Variants in VPS13D observed in about 807,000 individuals in gnomAD.
The protein encoded by VPS13D is vacuolar protein sorting 13 homolog D, also known as intermembrane lipid transfer protein VPS13D.
VPS13D carries 187 observed loss-of-function variants against 461.9 expected under a neutral mutation model. The observed-to-expected ratio is 0.40, with a 90% CI of 0.36 to 0.46. VPS13D has a LOEUF of 0.46. Ranked by LOEUF, VPS13D falls within the 20% of genes least tolerant of loss-of-function variation. The pLI, the probability that VPS13D is intolerant of heterozygous loss-of-function variation, is 0.60. For missense variants in VPS13D, 4,711 were observed against 5,364.9 expected, an observed-to-expected ratio of 0.88 and a Z score of 3.81; for synonymous variants, 1,951 against 1,986.3, an observed-to-expected ratio of 0.98 and a Z score of 0.47.
At chr1:12,239,431 G>A (rs111527320) in intron 2 of VPS13D, among the ~76,000 whole-genome samples, 10 of 152,318 alleles carry the variant, frequency 6.6e-5, no homozygotes, top group Admixed American at 3.9e-4. Context: ...GAGCCACTGC[G>A]CCCAGCCTTA....
At chr1:12,466,818 C>T (rs912198546) in intron 67 of VPS13D, among the ~76,000 whole-genome samples, 5 of 152,096 alleles carry the variant, frequency 3.3e-5, no homozygotes, top group Admixed American at 6.5e-5. Context: ...AGTTTCATCA[C>T]GAAAAAGGCA....
In VPS13D at chr1:12,356,535, T is replaced by G. The variant is rs1402859530; in HGVS notation, c.9998+11T>G. The G allele has an allele frequency of 6.2e-7, 1 of 1,609,400 alleles. No homozygotes were observed. Among genetic ancestry groups the G allele is most frequent in the Admixed American group, 1.7e-5 (1 of 59,040 alleles). ...AGAGCAGCCAAACCTGTGAGTACAGTTATTTATGGGAAGGGGAAATAAGCT... is the reference window on the plus strand; with the variant it reads ...AGAGCAGCCAAACCTGTGAGTACAGGTATTTATGGGAAGGGGAAATAAGCT... On this transcript the variant is annotated intron_variant, in intron 49 of 69. Transcript: ENST00000620676.
At chr1:12,305,189 A>G (rs572685179) in intron 26 of VPS13D, among the ~76,000 whole-genome samples, 4 of 152,338 alleles carry the variant, frequency 2.6e-5, no homozygotes, top group Non-Finnish European at 4.4e-5. Flanking sequence ...GACATGAACC[A>G]TCTGGTTATT....
rs1263726646 is a variant in VPS13D at position 12,276,877 on chromosome 1, G to T, written c.3289G>T (p.Asp1097Tyr). 6.2e-7 allele frequency: 1 copy of T among 1,614,146 alleles called. No individual in the cohort carries two copies. Among genetic ancestry groups the T allele is most frequent in the East Asian group, 2.2e-5 (1 of 44,888 alleles). ...TTCAGAGTGCCCATCGATGAATTTAGACAGTACTCTTCAGGTGATTTCCCT... is the reference window on the plus strand; with the variant it reads ...TTCAGAGTGCCCATCGATGAATTTATACAGTACTCTTCAGGTGATTTCCCT... ...VSSECPSMNL[D>Y]STLQVISLQV... The change falls in exon 19 of 70, where the codon GAC becomes TAC. Residue 1097 changes from aspartate (D) to tyrosine (Y), a missense_variant. Asp to Tyr is a radical substitution (Grantham distance 160). Transcript: ENST00000620676. The surrounding 1 kb of genome is among the most constrained non-coding windows in gnomAD (Gnocchi z 4.5).
Position 12,276,297 on chromosome 1 carries a change from C to A in VPS13D, c.2709C>A (p.Thr903=). Residue 903 remains threonine, a synonymous_variant, in exon 19 of 70, where the codon ACC becomes ACA. Coordinates refer to ENST00000620676, the MANE Select transcript of VPS13D (RefSeq NM_015378.4). This position sits in a 1 kb window ranked among gnomAD's most constrained non-coding sequence, Gnocchi z 4.5. ...AGAATTGCTTTGCTCTCCTCACCAC[C>A]CCAGAAATGAAAACTTCTGACACTC... The part of the protein sequence containing the change: ...ALKNCFALLT[T]PEMKTSDTQI... 6.2e-7 allele frequency: 1 copy of A among 1,614,134 alleles called. No homozygotes were observed.
At chr1:12,271,729 C>T (rs1641447255) in intron 17 of VPS13D, among the ~76,000 whole-genome samples, 1 of 151,876 alleles carries the variant, frequency 6.6e-6, no homozygotes, top group African/African-American at 2.4e-5. Flanking sequence ...ATACTTTGTG[C>T]ATGTTTCATG....
chr1:12,241,534 G>A (rs1640373510), intron 2 of VPS13D, among the ~76,000 whole-genome samples: 1 of 152,208 alleles, frequency 6.6e-6, no homozygotes, highest in Non-Finnish European at 1.5e-5. Context: ...CCATCACAGT[G>A]CCTCCCACAG....
At chr1:12,322,457 A>G in intron 33 of VPS13D, 79 bp from the exon 34 acceptor site, 2 of 1,385,896 alleles carry the variant, frequency 1.4e-6, no homozygotes, top group South Asian at 1.3e-5. Context: ...AAGTTGAAAT[A>G]GGAATTACAT....
intron 26 of VPS13D, among the ~76,000 whole-genome samples, 173 bp downstream of exon 26, chr1:12,304,901 A>G (rs1642520153): frequency 6.6e-6 from 1 of 152,216 alleles, no homozygotes; most frequent in South Asian, 2.1e-4. Context: ...TTTTGGGTGT[A>G]GATTTATCAT....
At chr1:12,381,950 C>CTTTT (rs1186394756) in intron 57 of VPS13D, among the ~76,000 whole-genome samples, 5 of 134,260 alleles carry the variant, frequency 3.7e-5, no homozygotes, top group Admixed American at 3.2e-4. Flanking sequence ...TTCTTTCTTT[C>CTTTT]TTTCTTTCTT....
chr1:12,264,653 A>C (rs1207640556), intron 13 of VPS13D, among the ~76,000 whole-genome samples: 4 of 152,206 alleles, frequency 2.6e-5, no homozygotes, highest in African/African-American at 9.6e-5. Flanking sequence ...GCAGAAGAAA[A>C]GTTTGAAGCT....
intron 67 of VPS13D, among the ~76,000 whole-genome samples, chr1:12,490,902 A>T (rs1196309741): frequency 6.6e-6 from 1 of 152,220 alleles, no homozygotes; most frequent in Non-Finnish European, 1.5e-5. Flanking sequence ...GCTTGCAGAC[A>T]TTGTACTGCT....
At chr1:12,398,079 G>A (rs1035322342) in intron 60 of VPS13D, among the ~76,000 whole-genome samples, 3 of 152,166 alleles carry the variant, frequency 2.0e-5, no homozygotes, top group East Asian at 1.9e-4. Context: ...TGTATGACTC[G>A]ATTTATAGTT....
chr1:12,425,766 TAGACTC>T (rs1413492247), intron 65 of VPS13D, among the ~76,000 whole-genome samples: 1 of 152,056 alleles, frequency 6.6e-6, no homozygotes, highest in Non-Finnish European at 1.5e-5. Context: ...TGAGAAAAAT[TAGACTC>T]AGACTCTTCA....
chr1:12,352,965 C>CAAAAA (rs61588046), intron 46 of VPS13D, among the ~76,000 whole-genome samples: 1,449 of 17,588 alleles, frequency 0.082, 432 homozygotes, highest in Middle Eastern at 0.2. Context: ...AACTCAGTCT[C>CAAAAA]AAAAAAAAAA....
intron 52 of VPS13D, among the ~76,000 whole-genome samples, chr1:12,365,308 TG>T (rs1644018267): frequency 1.3e-5 from 2 of 152,226 alleles, no homozygotes; most frequent in Non-Finnish European, 2.9e-5. Flanking sequence ...ATTGGGATGT[TG>T]ATAGGGATTG....
intron 49 of VPS13D, among the ~76,000 whole-genome samples, chr1:12,358,106 A>G (rs561888703): frequency 6.6e-6 from 1 of 152,296 alleles, no homozygotes; most frequent in Non-Finnish European, 1.5e-5. Context: ...TTGAAACAGC[A>G]GAGTCAGGAA....
intron 13 of VPS13D, among the ~76,000 whole-genome samples, chr1:12,265,472 G>A (rs1464772482): frequency 1.3e-5 from 2 of 152,126 alleles, no homozygotes; most frequent in Non-Finnish European, 2.9e-5. Context: ...CATTGCATAG[G>A]CTGTAGCTGC....
At position 12,416,533 on chromosome 1, in the gene VPS13D, A is replaced by T. The variant is rs547877082; in HGVS notation, c.12166-127A>T. ...AGTTGATGAAGATTAAAAGCTTTTA[A>T]TCTCGTTACTTGTAGTAATGAGAAT... On this transcript the variant is annotated intron_variant, in intron 64 of 69. Coordinates refer to ENST00000620676, the MANE Select transcript of VPS13D (RefSeq NM_015378.4). 27 of 1,001,622 alleles carry T rather than the reference A, an allele frequency of 2.7e-5. No homozygotes were observed. The South Asian group carries it at 4.9e-4, about 18-fold the overall frequency. The allele number at this position is 1,001,622 out of a possible 1,614,324, so 62.0% of individuals were successfully genotyped here.
Sources: allele counts gnomAD v4.1 joint callset (sites outside exome capture counted in the v4.1 genomes callset), GRCh38; gene constraint gnomAD v4.1.1; non-coding constraint Gnocchi (gnomAD v3.1); transcripts MANE v1.5; gene names NCBI Gene and HGNC (gene_info 2026-07-23, HGNC 2026-07-21).